Variants in IL17D observed in about 807,000 individuals in gnomAD.
The protein encoded by IL17D is interleukin-17D.
A neutral mutation model predicts 5.7 loss-of-function variants in IL17D; 10 were observed. The ratio of observed to expected loss-of-function variants is 1.75; its 90% CI spans 1.08 to 2.97. The LOEUF (loss-of-function observed/expected upper bound fraction) is 2.97, where lower values mean the gene tolerates loss of function less well. Among genes scored for constraint, IL17D ranks in the 30% most tolerant of loss-of-function variants. The pLI, the probability that IL17D is intolerant of heterozygous loss-of-function variation, is 0.00. For synonymous variants in IL17D, 172 were observed against 141.7 expected (o/e 1.21, Z -1.52); for missense variants, 354 against 292.7 (o/e 1.21, Z -1.53).
intron 1 of IL17D, among the ~76,000 whole-genome samples, chr13:20,719,337 A>T (rs1040110316): frequency 2.2e-5 from 3 of 134,982 alleles, no homozygotes; most frequent in Non-Finnish European, 4.7e-5. Context: ...GCCCACACTC[A>T]CCCACACACA....
chr13:20,703,449 G>C (rs538811807), upstream of IL17D: 1,141 of 983,898 alleles, frequency 1.2e-3, 2 homozygotes, highest in Non-Finnish European at 1.3e-3. Flanking sequence ...CCCCGGGTAC[G>C]AGGAAAGACC....
intron 1 of IL17D, among the ~76,000 whole-genome samples, chr13:20,715,323 C>T (rs1229364674): frequency 6.6e-6 from 1 of 152,176 alleles, no homozygotes; most frequent in Non-Finnish European, 1.5e-5. Context: ...CCAGGGAAGC[C>T]ATCCCATTGG....
upstream of IL17D, chr13:20,703,439 C>G (rs2058559976): frequency 7.1e-6 from 7 of 984,248 alleles, no homozygotes; most frequent in Admixed American, 6.1e-5. Flanking sequence ...CGGTCCGAGT[C>G]CCCGGGTACG....
At chr13:20,706,905 C>T (rs1459282912) in intron 1 of IL17D, among the ~76,000 whole-genome samples, 1 of 152,204 alleles carries the variant, frequency 6.6e-6, no homozygotes, top group Non-Finnish European at 1.5e-5. Flanking sequence ...GGAGTGGCAG[C>T]TGCAGCAGGG....
intron 1 of IL17D, among the ~76,000 whole-genome samples, chr13:20,720,584 C>A (rs1449077061): frequency 6.6e-6 from 1 of 152,122 alleles, no homozygotes; most frequent in Non-Finnish European, 1.5e-5. Flanking sequence ...TCACCCTGGG[C>A]TCCCACCTCT....
At chr13:20,710,339 C>T (rs948178037) in intron 1 of IL17D, among the ~76,000 whole-genome samples, 2 of 150,782 alleles carry the variant, frequency 1.3e-5, no homozygotes, top group East Asian at 1.9e-4. Flanking sequence ...ACAGGCTGGG[C>T]GCAGTGGCTC....
At chr13:20,708,539 C>G (rs2058607778) in intron 1 of IL17D, among the ~76,000 whole-genome samples, 1 of 151,970 alleles carries the variant, frequency 6.6e-6, no homozygotes, top group Non-Finnish European at 1.5e-5. Context: ...CTCACAGTCC[C>G]CAAAAGTCAC....
Position 20,716,702 on chromosome 13 carries a change from G to T in IL17D, c.291-4934G>T, listed in dbSNP as rs916660616. On this transcript the variant is annotated intron_variant, in intron 1 of 1. Transcript: ENST00000682841. The surrounding 1 kb of genome is among the most constrained non-coding windows in gnomAD (Gnocchi z 4.2). ...TTGAACTCATTGACCTTCGGATCTG[G>T]CGAGCCACGCTACCGAGGCAGGCTG... Among the ~76,000 whole-genome samples the T allele has an allele frequency of 6.6e-6, 1 of 152,172 alleles. No homozygotes were observed. Among genetic ancestry groups the T allele is most frequent in the Non-Finnish European group, 1.5e-5 (1 of 68,034 alleles).
rs1241838418 is a variant in IL17D at position 20,722,031 on chromosome 13, C to T, written c.*77C>T. On this transcript the variant is annotated 3_prime_UTR_variant, in exon 2 of 2. Coordinates refer to ENST00000682841, the MANE Select transcript of IL17D (RefSeq NM_001385224.1). Reference sequence around the variant, plus strand: ...GCTGGAGCCGCCTGGAGGGCTCGGTCGGCGACCTCTGAAGAGAGTGCACCG... The same window carrying T: ...GCTGGAGCCGCCTGGAGGGCTCGGTTGGCGACCTCTGAAGAGAGTGCACCG... The T allele has an allele frequency of 4.5e-5, 57 of 1,274,474 alleles. No individual in the cohort carries two copies. In the East Asian group the frequency reaches 1.4e-3, roughly 32 times the overall value. 78.9% of individuals were successfully genotyped at this position (1,274,474 alleles called of 1,614,324 possible).
intron 1 of IL17D, among the ~76,000 whole-genome samples, chr13:20,710,260 T>C (rs550973774): frequency 2.0e-4 from 31 of 152,180 alleles, no homozygotes; most frequent in African/African-American, 6.7e-4. Context: ...TTAAGAAATA[T>C]GTTGTAAGAA....
intron 1 of IL17D, among the ~76,000 whole-genome samples, chr13:20,719,125 ACT>A (rs2058711677): frequency 7.3e-6 from 1 of 137,684 alleles, no homozygotes; most frequent in Non-Finnish European, 1.6e-5. Flanking sequence ...ACCTGCCCAC[ACT>A]CATCCACACA....
intron 1 of IL17D, among the ~76,000 whole-genome samples, chr13:20,720,346 A>G (rs2141400058): frequency 6.6e-6 from 1 of 151,858 alleles, no homozygotes; most frequent in South Asian, 2.1e-4. Flanking sequence ...AGTCTGAGGG[A>G]TCTTTCTAAA....
At chr13:20,707,579 G>C (rs1347418208) in intron 1 of IL17D, among the ~76,000 whole-genome samples, 2 of 152,118 alleles carry the variant, frequency 1.3e-5, no homozygotes, top group Admixed American at 6.6e-5. Context: ...CTGGAGTGCA[G>C]TGACACAGAC....
In IL17D at chr13:20,703,871, G is replaced by A. The variant is rs554981321; in HGVS notation, c.-131G>A. ...CGCGCGGCTCCCATCCTCCGGGCCG[G>A]CCTCTGGCTCCGCGGGGCGAGGGGA... On this transcript the variant is annotated 5_prime_UTR_variant, in exon 1 of 2. Coordinates refer to ENST00000682841, the MANE Select transcript of IL17D (RefSeq NM_001385224.1). The A allele has an allele frequency of 4.9e-4, 141 of 289,034 alleles. 1 individual carries two copies. In the East Asian group the frequency reaches 0.024, roughly 50 times the overall value. 17.9% of individuals were successfully genotyped at this position (289,034 alleles called of 1,614,324 possible). A position where few individuals can be genotyped will look rare whatever the true frequency, so the allele number is the denominator to read the frequency against.
At chr13:20,718,901 C>CAACTA in intron 1 of IL17D, among the ~76,000 whole-genome samples, 1 of 146,218 alleles carries the variant, frequency 6.8e-6, no homozygotes, top group Non-Finnish European at 1.5e-5. Context: ...TGCTCACACA[C>CAACTA]CCGCCCATGC....
chr13:20,705,171 G>A (rs1338144733), intron 1 of IL17D, among the ~76,000 whole-genome samples: 1 of 152,172 alleles, frequency 6.6e-6, no homozygotes, highest in Non-Finnish European at 1.5e-5. Flanking sequence ...GGGCCACAGA[G>A]GTCAAGAAAG....
intron 1 of IL17D, 28 bp from the exon 2 acceptor site, chr13:20,721,608 T>G: frequency 6.4e-7 from 1 of 1,555,528 alleles, no homozygotes; most frequent in Non-Finnish European, 8.7e-7. Flanking sequence ...CCCCCAGGCG[T>G]GACCTCACCC....
Position 20,716,944 on chromosome 13 carries a change from C to T in IL17D, c.291-4692C>T, listed in dbSNP as rs1232606872. Reference sequence around the variant, plus strand: ...CAGCGCCCCAGCTATCCTTGGGCATCAGTTAGAGGACACATCAGGTGGCCC... The same window carrying T: ...CAGCGCCCCAGCTATCCTTGGGCATTAGTTAGAGGACACATCAGGTGGCCC... On this transcript the variant is annotated intron_variant, in intron 1 of 1. Coordinates refer to ENST00000682841, the MANE Select transcript of IL17D (RefSeq NM_001385224.1). The surrounding 1 kb of genome is among the most constrained non-coding windows in gnomAD (Gnocchi z 4.2). 6.6e-6 allele frequency among the ~76,000 whole-genome samples: 1 copy of T among 152,258 alleles called. No homozygotes were observed. The highest frequency in any genetic ancestry group is 6.5e-5 in the Admixed American group (1 of 15,290).
chr13:20,721,559 T>G, intron 1 of IL17D, 77 bp from the exon 2 acceptor site: 1 of 1,275,604 alleles, frequency 7.8e-7, no homozygotes. Flanking sequence ...CCCTCCCCGG[T>G]GACTCTAACC....
Sources: allele counts gnomAD v4.1 joint callset (sites outside exome capture counted in the v4.1 genomes callset), GRCh38; gene constraint gnomAD v4.1.1; non-coding constraint Gnocchi (gnomAD v3.1); transcripts MANE v1.5; gene names NCBI Gene and HGNC (gene_info 2026-07-23, HGNC 2026-07-21).